SLC41A3: variants seen among roughly 807,000 people sequenced by gnomAD.
The protein encoded by SLC41A3 is SLC41A1-like 2.
Under a neutral mutation model 45.4 loss-of-function variants are expected in SLC41A3, and 44 were observed. The ratio of observed to expected loss-of-function variants is 0.97; its 90% CI spans 0.76 to 1.25. The LOEUF (loss-of-function observed/expected upper bound fraction) is 1.25. Ranked by LOEUF, SLC41A3 falls within the 50% of genes most tolerant of loss-of-function variation. SLC41A3 has a pLI of 0.00. For missense variants in SLC41A3, 550 were observed against 600.6 expected (o/e 0.92, Z 0.88); for synonymous variants, 256 against 252.4 (o/e 1.01, Z -0.13).
At chr3:126,096,430 G>C (rs1421093054) in intron 1 of SLC41A3, among the ~76,000 whole-genome samples, 2 of 152,048 alleles carry the variant, frequency 1.3e-5, no homozygotes, top group African/African-American at 4.8e-5. Flanking sequence ...CCCAAAACTG[G>C]CCATAAACAA....
upstream of SLC41A3, chr3:126,084,186 C>T (rs1287227182): frequency 2.0e-5 from 3 of 152,014 alleles, no homozygotes; most frequent in African/African-American, 7.2e-5. Context: ...GCCGGGCCTC[C>T]CTGGCCCCGC....
At chr3:126,074,688 T>G (rs765883332) in intron 1 of SLC41A3, among the ~76,000 whole-genome samples, 102 of 151,916 alleles carry the variant, frequency 6.7e-4, no homozygotes, top group Non-Finnish European at 1.1e-3. Context: ...TTGTTTTTTT[T>G]TTGTTGTTTT....
chr3:126,048,666 A>C (rs1021101207), intron 3 of SLC41A3, among the ~76,000 whole-genome samples: 8 of 152,230 alleles, frequency 5.3e-5, no homozygotes, highest in African/African-American at 1.9e-4. Context: ...AGTTGCACTA[A>C]GAGTATCTTT....
At chr3:126,091,642 G>A (rs1426081128) in intron 1 of SLC41A3, among the ~76,000 whole-genome samples, 1 of 152,094 alleles carries the variant, frequency 6.6e-6, no homozygotes, top group Admixed American at 6.5e-5. Flanking sequence ...TTTCTTATCA[G>A]ACTTAAAAAG....
intron 2 of SLC41A3, among the ~76,000 whole-genome samples, chr3:126,051,841 A>T (rs1943357378): frequency 6.6e-6 from 1 of 152,124 alleles, no homozygotes; most frequent in Non-Finnish European, 1.5e-5. Flanking sequence ...TAGACCTGGA[A>T]ACAAATCCCT....
chr3:126,008,353 T>C (rs1443407766), intron 10 of SLC41A3, among the ~76,000 whole-genome samples: 1 of 152,054 alleles, frequency 6.6e-6, no homozygotes. Flanking sequence ...GTGTGTGTGG[T>C]GTGCACTGTG....
intron 1 of SLC41A3, among the ~76,000 whole-genome samples, chr3:126,081,257 G>A (rs1388140099): frequency 6.6e-6 from 1 of 152,188 alleles, no homozygotes; most frequent in Non-Finnish European, 1.5e-5. Context: ...ATAAGCCGTG[G>A]ACAGAAAGAC....
chr3:126,066,311 C>A (rs1944342945), intron 2 of SLC41A3, among the ~76,000 whole-genome samples: 1 of 152,152 alleles, frequency 6.6e-6, no homozygotes, highest in Non-Finnish European at 1.5e-5. Context: ...AGTGCCACAG[C>A]CTCAGGAGAG....
At chr3:126,084,867 C>T (rs1018947809), upstream of SLC41A3, among the ~76,000 whole-genome samples, 1 of 152,228 alleles carries the variant, frequency 6.6e-6, no homozygotes, top group Non-Finnish European at 1.5e-5. Context: ...ACCTGAAAAA[C>T]TGGTTCAGGC....
At chr3:126,100,202 C>G (rs975070120) in intron 1 of SLC41A3, among the ~76,000 whole-genome samples, 1 of 91,768 alleles carries the variant, frequency 1.1e-5, no homozygotes, top group Non-Finnish European at 2.2e-5. Context: ...CCTCTTCCCC[C>G]TCCCTCCCCC....
chr3:126,064,800 A>G (rs1944267592), intron 2 of SLC41A3, among the ~76,000 whole-genome samples: 1 of 152,234 alleles, frequency 6.6e-6, no homozygotes, highest in Admixed American at 6.5e-5. Context: ...CACAGAGCCC[A>G]GGACTGCATC....
chr3:126,061,158 C>T (rs188564608), intron 2 of SLC41A3, among the ~76,000 whole-genome samples: 4 of 152,340 alleles, frequency 2.6e-5, no homozygotes, highest in South Asian at 2.1e-4. Context: ...CCTTGACCCT[C>T]GGCAGGTTCT....
chr3:126,092,399 C>T (rs1357830882), intron 1 of SLC41A3, among the ~76,000 whole-genome samples: 1 of 152,214 alleles, frequency 6.6e-6, no homozygotes, highest in Non-Finnish European at 1.5e-5. Context: ...ATAAGGGATA[C>T]TTTTAGTTAA....
intron 9 of SLC41A3, among the ~76,000 whole-genome samples, chr3:126,012,317 C>T (rs1459396106): frequency 6.6e-6 from 1 of 152,176 alleles, no homozygotes; most frequent in Non-Finnish European, 1.5e-5. Flanking sequence ...TAATTACGAG[C>T]CCACTTGTGT....
intron 6 of SLC41A3, among the ~76,000 whole-genome samples, chr3:126,021,186 G>A (rs982229916): frequency 1.3e-5 from 2 of 152,090 alleles, no homozygotes; most frequent in Admixed American, 6.5e-5. Context: ...GAGCCACCGC[G>A]CCTGGCCTGT....
intron 2 of SLC41A3, chr3:126,056,718 C>T: frequency 7.0e-7 from 1 of 1,436,608 alleles, no homozygotes; most frequent in Non-Finnish European, 9.1e-7. Flanking sequence ...CCAACAGCCC[C>T]TCGGCTGAGG....
chr3:126,012,494 G>A (rs1162596307), intron 9 of SLC41A3, 121 bp downstream of exon 9: 121 of 1,306,218 alleles, frequency 9.3e-5, no homozygotes, highest in Middle Eastern at 2.7e-4. Context: ...TGAAGGTGAT[G>A]TGTGCCGAGA....
intron 2 of SLC41A3, among the ~76,000 whole-genome samples, chr3:126,060,547 T>G (rs747130868): frequency 2.0e-5 from 3 of 152,134 alleles, no homozygotes; most frequent in African/African-American, 7.2e-5. Flanking sequence ...TAAGTAATCT[T>G]TATAATTTTT....
At chr3:126,033,461 T>G in intron 4 of SLC41A3, 146 bp downstream of exon 4, 2 of 818,676 alleles carry the variant, frequency 2.4e-6, no homozygotes, top group Non-Finnish European at 4.0e-6. Context: ...ATGTGGTCTA[T>G]TGGATGTGGG....
Sources: allele counts gnomAD v4.1 joint callset (sites outside exome capture counted in the v4.1 genomes callset), GRCh38; gene constraint gnomAD v4.1.1; transcripts MANE v1.5; gene names NCBI Gene and HGNC (gene_info 2026-07-23, HGNC 2026-07-21).